Variants in LRRC69 observed in about 807,000 individuals in gnomAD.
The protein encoded by LRRC69 is leucine-rich repeat-containing protein 69.
A neutral mutation model predicts 37.8 loss-of-function variants in LRRC69; 42 were observed. That is an observed-to-expected ratio of 1.11 (90% confidence interval 0.87 to 1.44). The LOEUF (loss-of-function observed/expected upper bound fraction) is 1.44, where lower values mean the gene tolerates loss of function less well. Ranked by LOEUF, LRRC69 falls within the 40% of genes most tolerant of loss-of-function variation. The pLI is 0.00. For missense variants in LRRC69, 357 were observed against 401.9 expected (o/e 0.89, Z 0.96); for synonymous variants, 141 against 143.1 (o/e 0.99, Z 0.11).
chr8:91,120,184 C>G (rs1239625287), intron 1 of LRRC69, among the ~76,000 whole-genome samples: 3 of 152,042 alleles, frequency 2.0e-5, no homozygotes, highest in African/African-American at 7.2e-5. Flanking sequence ...CACTTCACCC[C>G]TATTTTCAAG....
Position 91,158,132 on chromosome 8 carries a change from A to T in LRRC69, c.651+22393A>T, listed in dbSNP as rs61733741. 141 of 1,594,544 alleles carry T rather than the reference A, an allele frequency of 8.8e-5. 1 individual carries two copies. The African/African-American group carries it at 1.7e-3, about 19-fold the overall frequency. On this transcript the variant is annotated intron_variant, in intron 5 of 7. Coordinates refer to ENST00000448384, the Ensembl canonical transcript of LRRC69. ...ATTTATTCCAGCATTACCAGGTGAA[A>T]CTCTCACTTACCTATGGAAAATCCC...
In LRRC69 at chr8:91,155,732, C is replaced by T. The variant is rs182250501; in HGVS notation, c.651+19993C>T. On this transcript the variant is annotated intron_variant, in intron 5 of 7. Coordinates refer to ENST00000448384, the Ensembl canonical transcript of LRRC69. ...TATCTCACACATGAGTGATAACATG[C>T]GGTATTTATCTTTCTGTGCCTGACT... Among the ~76,000 whole-genome samples the T allele has an allele frequency of 4.6e-3, 698 of 150,666 alleles. 7 individuals are homozygous for T. Among genetic ancestry groups the T allele is most frequent in the African/African-American group, 0.011 (473 of 41,350 alleles).
chr8:91,176,134 A>ATTTTTTT (rs771986461), intron 5 of LRRC69, among the ~76,000 whole-genome samples: 2 of 75,694 alleles, frequency 2.6e-5, no homozygotes, highest in African/African-American at 1.2e-4. Context: ...ATATATATAT[A>ATTTTTTT]TTTTTTTTTT....
chr8:91,180,562 A>G (rs1359580307), intron 5 of LRRC69, among the ~76,000 whole-genome samples: 1 of 152,188 alleles, frequency 6.6e-6, no homozygotes, highest in Non-Finnish European at 1.5e-5. Flanking sequence ...ATTAGGCTCT[A>G]CCTCTTAAAG....
intron 5 of LRRC69, among the ~76,000 whole-genome samples, chr8:91,179,192 G>A (rs372426721): frequency 3.3e-5 from 5 of 152,146 alleles, no homozygotes; most frequent in East Asian, 3.8e-4. Flanking sequence ...AAAGAAAAGC[G>A]GTTTTATTGA....
chr8:91,108,160 C>T (rs983931751), intron 1 of LRRC69, among the ~76,000 whole-genome samples: 2 of 151,954 alleles, frequency 1.3e-5, no homozygotes, highest in African/African-American at 4.8e-5. Context: ...TTTTATTTGG[C>T]CATAAACAAT....
At chr8:91,204,588 C>A (rs182874008) in intron 7 of LRRC69, among the ~76,000 whole-genome samples, 120 of 152,342 alleles carry the variant, frequency 7.9e-4, no homozygotes, top group African/African-American at 2.7e-3. Flanking sequence ...AAGGCTCCTG[C>A]ATACAAGTAT....
At chr8:91,106,830 T>C (rs1813321984) in intron 1 of LRRC69, among the ~76,000 whole-genome samples, 1 of 151,920 alleles carries the variant, frequency 6.6e-6, no homozygotes, top group African/African-American at 2.4e-5. Flanking sequence ...TCCTGCTCTG[T>C]CACCCAAGCT....
intron 7 of LRRC69, among the ~76,000 whole-genome samples, chr8:91,210,075 A>G (rs1376785120): frequency 1.3e-5 from 2 of 152,180 alleles, no homozygotes; most frequent in African/African-American, 4.8e-5. Flanking sequence ...CATAGACAGA[A>G]CCAACAACGA....
In LRRC69 at chr8:91,127,085, C is replaced by G. The variant is rs1813730127; in HGVS notation, c.311-3C>G. 6.5e-7 allele frequency: 1 copy of G among 1,544,492 alleles called. No homozygotes were observed. ...TAAAGTGACTAAAATTATTTTCTAA[C>G]AGATGGCTTACAAAATTTAATCCTG... On this transcript the variant is annotated splice_polypyrimidine_tract_variant and splice_region_variant and intron_variant, in intron 2 of 7. Coordinates refer to ENST00000448384, the Ensembl canonical transcript of LRRC69.
intron 1 of LRRC69, among the ~76,000 whole-genome samples, chr8:91,104,434 T>C (rs910442470): frequency 2.0e-5 from 3 of 152,046 alleles, no homozygotes; most frequent in Admixed American, 1.3e-4. Context: ...AATATTCACA[T>C]GGAGTCAATT....
rs193067429 is a variant in LRRC69 at position 91,156,640 on chromosome 8, T to A, written c.651+20901T>A. ...TTGGAGTATTTTTTAATTCTCTTTT[T>A]AAAAAAAATATTCTTTCTATTTTGA... is the stretch of plus-strand genomic sequence containing the variant. On this transcript the variant is annotated intron_variant, in intron 5 of 7. Coordinates refer to ENST00000448384, the Ensembl canonical transcript of LRRC69. Among the ~76,000 whole-genome samples, 107 of 151,064 alleles carry A rather than the reference T, an allele frequency of 7.1e-4. No individual in the cohort carries two copies. The East Asian group carries it at 0.02, about 28-fold the overall frequency.
At position 91,132,964 on chromosome 8, in the gene LRRC69, C is replaced by T. The variant is rs1813832873; in HGVS notation, c.384-146C>T. Reference sequence around the variant, plus strand: ...CAAAAACTTTTTATACTCATGATCACAATAGTTGTAAACACTTGACTGAAG... The same window carrying T: ...CAAAAACTTTTTATACTCATGATCATAATAGTTGTAAACACTTGACTGAAG... On this transcript the variant is annotated intron_variant, in intron 3 of 7. Coordinates refer to ENST00000448384, the Ensembl canonical transcript of LRRC69. 5.8e-6 allele frequency: 3 copies of T among 518,386 alleles called. No individual in the cohort carries two copies. The African/African-American group carries it at 6.0e-5, about 10-fold the overall frequency. The allele number at this position is 518,386 out of a possible 1,614,324, so 32.1% of individuals were successfully genotyped here.
intron 3 of LRRC69, among the ~76,000 whole-genome samples, chr8:91,129,709 C>T (rs1006869055): frequency 7.9e-5 from 12 of 151,880 alleles, no homozygotes; most frequent in Admixed American, 3.3e-4. Flanking sequence ...TCCTATTATC[C>T]TGAGAAATTT....
rs867122199 is a variant in LRRC69 at position 91,200,611 on chromosome 8, A to G, written c.754-2A>G. The G allele has an allele frequency of 2.0e-5, 28 of 1,430,124 alleles. No homozygotes were observed. In the African/African-American group the frequency reaches 4.2e-4, roughly 21 times the overall value. 88.6% of individuals were successfully genotyped at this position (1,430,124 alleles called of 1,614,324 possible). A position where few individuals can be genotyped will look rare whatever the true frequency, so the allele number is the denominator to read the frequency against. On this transcript the variant is annotated splice_acceptor_variant, in intron 6 of 7. Coordinates refer to ENST00000448384, the Ensembl canonical transcript of LRRC69. LOFTEE classifies it high-confidence loss of function. Reference sequence around the variant, plus strand: ...GGAACTGTATTTTTTTTTTCAATTTAGGAAATAACATCAAGATTTGTAATG... The same window carrying G: ...GGAACTGTATTTTTTTTTTCAATTTGGGAAATAACATCAAGATTTGTAATG...
chr8:91,199,898 C>G (rs57191778), intron 6 of LRRC69, among the ~76,000 whole-genome samples: 4,379 of 152,196 alleles, frequency 0.029, 184 homozygotes, highest in East Asian at 0.21. Context: ...CTTACTTCCT[C>G]CCTTTATTAT....
intron 5 of LRRC69, among the ~76,000 whole-genome samples, chr8:91,139,815 G>A (rs901358307): frequency 2.0e-5 from 3 of 151,486 alleles, no homozygotes; most frequent in African/African-American, 4.8e-5. Context: ...CTGGCCAGGC[G>A]CGGTGGCTTA....
intron 7 of LRRC69, among the ~76,000 whole-genome samples, chr8:91,203,075 A>G (rs538930297): frequency 2.0e-5 from 3 of 152,232 alleles, no homozygotes; most frequent in South Asian, 4.1e-4. Flanking sequence ...GGGGAGAGAT[A>G]GAAGTTCTGT....
chr8:91,109,246 C>T (rs964539264), intron 1 of LRRC69, among the ~76,000 whole-genome samples: 2 of 152,104 alleles, frequency 1.3e-5, no homozygotes, highest in Non-Finnish European at 2.9e-5. Flanking sequence ...CAGCTTCTCT[C>T]TCTGCTGGCA....
Sources: gnomAD v4.1 joint callset for allele counts (sites outside exome capture counted in the v4.1 genomes callset) on GRCh38, gnomAD v4.1.1 for gene constraint, MANE v1.5 for transcripts, NCBI Gene and HGNC (gene_info 2026-07-23, HGNC 2026-07-21) for gene names.